Variants in HSD17B4 observed in about 807,000 individuals in gnomAD.
HSD17B4 encodes peroxisomal multifunctional enzyme type 2.
In HSD17B4, 70 loss-of-function variants were observed where a neutral mutation model predicts 101.0. The ratio of observed to expected loss-of-function variants is 0.69; its 90% confidence interval spans 0.57 to 0.85. The LOEUF (loss-of-function observed/expected upper bound fraction) is 0.85. HSD17B4 is among the 40% of genes least tolerant of loss of function. The probability of loss-of-function intolerance (pLI) is 0.00; values close to 1 mark genes in which losing one functional copy is unlikely to be tolerated. For synonymous variants in HSD17B4, 347 were observed against 297.1 expected, an observed-to-expected ratio of 1.17 and a Z score of -1.73; for missense variants, 984 against 892.4, an observed-to-expected ratio of 1.10 and a Z score of -1.31.
At chr5:119,462,462 C>T (rs58263192) in intron 2 of HSD17B4, among the ~76,000 whole-genome samples, 8,871 of 151,692 alleles carry the variant, frequency 0.058, 729 homozygotes, top group East Asian at 0.41. Context: ...AAAGTAGGAA[C>T]AATTGTTACT....
intron 17 of HSD17B4, among the ~76,000 whole-genome samples, chr5:119,521,012 G>A (rs7708761): frequency 0.031 from 4,694 of 152,138 alleles, 215 homozygotes; most frequent in African/African-American, 0.099. Flanking sequence ...TAGATTTGCA[G>A]TTGAATATGT....
chr5:119,504,498 C>T (rs543368967), intron 14 of HSD17B4, among the ~76,000 whole-genome samples: 9 of 152,090 alleles, frequency 5.9e-5, no homozygotes, highest in African/African-American at 1.7e-4. Flanking sequence ...CATGGTATCT[C>T]ATTGTGGTTT....
chr5:119,493,583 G>C (rs1044401358), intron 10 of HSD17B4: 4 of 465,538 alleles, frequency 8.6e-6, no homozygotes, highest in African/African-American at 4.0e-5. Flanking sequence ...GTACTGTCTG[G>C]CATAGTCAGA....
intron 2 of HSD17B4, among the ~76,000 whole-genome samples, chr5:119,460,807 G>GA (rs202032132): frequency 0.012 from 1,767 of 152,208 alleles, 37 homozygotes; most frequent in African/African-American, 0.041. Flanking sequence ...GTGCTGTGGA[G>GA]AAAAAAATGA....
intron 23 of HSD17B4, among the ~76,000 whole-genome samples, chr5:119,536,867 T>G (rs1002190757): frequency 1.3e-5 from 2 of 152,120 alleles, no homozygotes; most frequent in African/African-American, 4.8e-5. Flanking sequence ...GATTAAGAAA[T>G]CATTGAATAT....
chr5:119,536,296 A>G (rs1446809114), intron 22 of HSD17B4, 127 bp from the exon 23 acceptor site: 4 of 837,334 alleles, frequency 4.8e-6, no homozygotes, highest in African/African-American at 1.7e-5. Flanking sequence ...GATAGATAGA[A>G]TATGTGTAGA....
At position 119,499,099 on chromosome 5, in the gene HSD17B4, C is replaced by A. The variant is rs1446885706; in HGVS notation, c.973-218C>A. On this transcript the variant is annotated intron_variant, in intron 12 of 23. Transcript: ENST00000510025. ...AGGCATACTGTCTGTTAGCAAGAAG[C>A]AAGCAATAAAAAACTTCTTAACTGT... is the stretch of plus-strand genomic sequence containing the variant. Among the ~76,000 whole-genome samples the A allele has an allele frequency of 2.0e-5, 3 of 152,092 alleles. No homozygotes were observed. The East Asian group carries it at 5.8e-4, about 29-fold the overall frequency.
intron 8 of HSD17B4, among the ~76,000 whole-genome samples, chr5:119,488,770 T>C (rs1167124671): frequency 1.3e-5 from 2 of 152,186 alleles, no homozygotes; most frequent in Admixed American, 6.6e-5. Flanking sequence ...GCACTCTCAA[T>C]CATTATTTGC....
intron 17 of HSD17B4, among the ~76,000 whole-genome samples, chr5:119,516,604 T>A (rs1752634139): frequency 6.6e-6 from 1 of 152,248 alleles, no homozygotes; most frequent in Non-Finnish European, 1.5e-5. Flanking sequence ...TTTTGTATTG[T>A]ATGATAATTA....
intron 15 of HSD17B4, 54 bp from the exon 16 acceptor site, chr5:119,509,087 A>T (rs1751923390): frequency 1.1e-6 from 1 of 942,790 alleles, no homozygotes; most frequent in Non-Finnish European, 1.7e-6. Context: ...TTGGTTAACT[A>T]GTTATGCCTT....
intron 14 of HSD17B4, among the ~76,000 whole-genome samples, chr5:119,504,036 G>T (rs762857203): frequency 2.6e-4 from 39 of 152,100 alleles, no homozygotes; most frequent in Admixed American, 1.0e-3. Context: ...ACAGTATTTG[G>T]TTTTTTGTTC....
In HSD17B4 at chr5:119,509,184, C is replaced by T. The variant is rs758382416; in HGVS notation, c.1377C>T (p.Phe459=). The T allele has an allele frequency of 3.7e-6, 6 of 1,608,136 alleles. No individual in the cohort carries two copies. In the South Asian group the frequency reaches 4.4e-5, roughly 12 times the overall value. Residue 459 remains phenylalanine, a synonymous_variant, in exon 16 of 24, where the codon TTC becomes TTT. Coordinates refer to ENST00000510025, the MANE Select transcript of HSD17B4 (RefSeq NM_000414.4). ...SEKELICHNQ[F]SLFLVGSGGF... ...AGGAACTTATATGCCACAATCAGTT[C>T]TCTCTCTTTCTTGTTGGCTCTGGAG...
intron 7 of HSD17B4, among the ~76,000 whole-genome samples, chr5:119,478,424 G>A (rs1357744164): frequency 1.3e-5 from 2 of 152,174 alleles, no homozygotes; most frequent in Non-Finnish European, 2.9e-5. Flanking sequence ...AGTGAGTGAG[G>A]TTGGGTCAGA....
intron 15 of HSD17B4, among the ~76,000 whole-genome samples, chr5:119,507,407 C>T (rs1270912184): frequency 6.6e-6 from 1 of 151,970 alleles, no homozygotes; most frequent in Non-Finnish European, 1.5e-5. Context: ...ATTTTATTTG[C>T]AGTGGGAAAA....
At chr5:119,476,629 G>T in intron 6 of HSD17B4, 5 of 985,070 alleles carry the variant, frequency 5.1e-6, no homozygotes, top group Non-Finnish European at 6.0e-6. Context: ...TGCTTCCCTT[G>T]TAACAACTGG....
intron 23 of HSD17B4, among the ~76,000 whole-genome samples, chr5:119,540,597 T>G (rs1754911765): frequency 1.3e-5 from 2 of 152,194 alleles, no homozygotes; most frequent in African/African-American, 2.4e-5. Context: ...TTGTTTGTTT[T>G]TTGTAACTGC....
intron 15 of HSD17B4, among the ~76,000 whole-genome samples, chr5:119,507,803 T>C (rs1285746502): frequency 6.6e-6 from 1 of 151,612 alleles, no homozygotes; most frequent in Non-Finnish European, 1.5e-5. Flanking sequence ...AAAAAATTTG[T>C]ACATTTTATA....
At chr5:119,459,956 C>T (rs1755053933) in intron 2 of HSD17B4, among the ~76,000 whole-genome samples, 1 of 151,530 alleles carries the variant, frequency 6.6e-6, no homozygotes, top group Non-Finnish European at 1.5e-5. Context: ...CTGCAAGCTC[C>T]ACCTCCCGGG....
intron 23 of HSD17B4, among the ~76,000 whole-genome samples, chr5:119,538,033 A>C (rs572026897): frequency 6.6e-6 from 1 of 152,272 alleles, no homozygotes; most frequent in South Asian, 2.1e-4. Context: ...ACTTGGCTCC[A>C]CTTAGTCTTC....
Sources: gnomAD v4.1 joint callset for allele counts (sites outside exome capture counted in the v4.1 genomes callset) on GRCh38, gnomAD v4.1.1 for gene constraint, MANE v1.5 for transcripts, NCBI Gene and HGNC (gene_info 2026-07-23, HGNC 2026-07-21) for gene names.